The following LINC01488 variants were observed in gnomAD, a reference collection of about 807,000 sequenced individuals.
LINC01488 encodes long independently transcribed non-coding RNA 1488, also known as CCND1-upstream intergenic DNA repair 1.
At chr11:69,488,786 A>G (rs548083030) in intron 1 of LINC01488, among the ~76,000 whole-genome samples, 1 of 152,264 alleles carries the variant, frequency 6.6e-6, no homozygotes, top group South Asian at 2.1e-4. Context: ...GGCCCTGGGC[A>G]TGGGGAACCG....
chr11:69,482,866 T>C (rs1165445028), intron 1 of LINC01488, among the ~76,000 whole-genome samples: 4 of 152,172 alleles, frequency 2.6e-5, no homozygotes, highest in African/African-American at 9.7e-5. Flanking sequence ...CTCCTCACAT[T>C]TTCACAGGGT....
At chr11:69,484,708 C>T (rs1857086505) in intron 1 of LINC01488, among the ~76,000 whole-genome samples, 1 of 152,268 alleles carries the variant, frequency 6.6e-6, no homozygotes. Flanking sequence ...GCTGCTGAGC[C>T]CTGCTGTTGG....
intron 1 of LINC01488, among the ~76,000 whole-genome samples, chr11:69,482,508 G>GTGGATGGACGGATGGATGAA (rs1316942143): frequency 1.3e-5 from 2 of 151,770 alleles, no homozygotes; most frequent in Admixed American, 1.3e-4. Context: ...GAATGGATGA[G>GTGGATGGACGGATGGATGAA]TGGATGGACG....
At chr11:69,483,644 C>A (rs1011164009) in intron 1 of LINC01488, among the ~76,000 whole-genome samples, 1 of 152,190 alleles carries the variant, frequency 6.6e-6, no homozygotes, top group African/African-American at 2.4e-5. Context: ...GTCAGGCCCA[C>A]GTCCAGAGGG....
chr11:69,489,853 C>T (rs1431240114), intron 1 of LINC01488, among the ~76,000 whole-genome samples: 1 of 152,174 alleles, frequency 6.6e-6, no homozygotes, highest in Admixed American at 6.5e-5. Context: ...CCCTCTGTAG[C>T]CCCATCCCGA....
intron 1 of LINC01488, among the ~76,000 whole-genome samples, chr11:69,489,165 G>A (rs1277086467): frequency 6.6e-6 from 1 of 151,994 alleles, no homozygotes. Context: ...ACATGTCAGG[G>A]AGCAGTCCAG....
chr11:69,489,179 T>A (rs1303848526), intron 1 of LINC01488, among the ~76,000 whole-genome samples: 3 of 149,152 alleles, frequency 2.0e-5, no homozygotes, highest in African/African-American at 5.0e-5. Context: ...AGTCCAGGGG[T>A]CTCCCCACCG....
chr11:69,482,933 G>A (rs1434956700), intron 1 of LINC01488, among the ~76,000 whole-genome samples: 2 of 152,190 alleles, frequency 1.3e-5, no homozygotes, highest in African/African-American at 2.4e-5. Flanking sequence ...CATATTGAAT[G>A]AGGACCCACC....
intron 1 of LINC01488, among the ~76,000 whole-genome samples, chr11:69,485,028 C>A (rs577605763): frequency 1.3e-5 from 2 of 152,328 alleles, no homozygotes; most frequent in Admixed American, 1.3e-4. Flanking sequence ...CCCAACCCCC[C>A]GCCACCACCA....
intron 1 of LINC01488, chr11:69,490,359 G>A (rs1405334276): frequency 6.6e-6 from 1 of 152,320 alleles, no homozygotes; most frequent in Non-Finnish European, 1.5e-5. Flanking sequence ...CAAAGAACCT[G>A]AAAAGTCAAT....
At chr11:69,483,869 C>T (rs1227529217) in intron 1 of LINC01488, among the ~76,000 whole-genome samples, 1 of 152,316 alleles carries the variant, frequency 6.6e-6, no homozygotes, top group Non-Finnish European at 1.5e-5. Flanking sequence ...GAGGCGGGTG[C>T]CTCCCGGTGG....
intron 1 of LINC01488, among the ~76,000 whole-genome samples, chr11:69,483,106 A>C (rs1385772964): frequency 6.6e-6 from 1 of 152,196 alleles, no homozygotes; most frequent in Non-Finnish European, 1.5e-5. Context: ...AGGTCCGTGG[A>C]AGGAGAGAGT....
At chr11:69,489,629 C>T (rs1857185639) in intron 1 of LINC01488, among the ~76,000 whole-genome samples, 1 of 152,244 alleles carries the variant, frequency 6.6e-6, no homozygotes, top group Non-Finnish European at 1.5e-5. Flanking sequence ...TCCCATGCAC[C>T]GGTAGCGGGT....
intron 1 of LINC01488, among the ~76,000 whole-genome samples, chr11:69,485,011 T>G (rs537364038): frequency 9.2e-5 from 14 of 152,332 alleles, no homozygotes; most frequent in African/African-American, 3.4e-4. Flanking sequence ...CTAAAATCTC[T>G]GAACCACCCA....
chr11:69,486,607 G>A (rs1169007123), intron 1 of LINC01488, among the ~76,000 whole-genome samples: 1 of 152,226 alleles, frequency 6.6e-6, no homozygotes, highest in Non-Finnish European at 1.5e-5. Flanking sequence ...CTGTCCTGGG[G>A]GGTCTTCCTG....
intron 1 of LINC01488, among the ~76,000 whole-genome samples, chr11:69,484,547 A>C (rs527549450): frequency 6.6e-6 from 1 of 152,348 alleles, no homozygotes; most frequent in African/African-American, 2.4e-5. Flanking sequence ...TTCACAAAGG[A>C]CACCTCACAA....
intron 1 of LINC01488, among the ~76,000 whole-genome samples, chr11:69,481,978 G>C (rs1857052263): frequency 6.6e-6 from 1 of 152,004 alleles, no homozygotes; most frequent in Admixed American, 6.6e-5. Flanking sequence ...TGAATGGGTG[G>C]ATGGATGGAT....
chr11:69,492,263 T>A (rs941892921), exon 4 of LINC01488: 5 of 152,010 alleles, frequency 3.3e-5, no homozygotes, highest in Non-Finnish European at 7.4e-5. Flanking sequence ...TGAGTGGATG[T>A]GAAATGAGGG....
At chr11:69,482,656 TG>T in intron 1 of LINC01488, among the ~76,000 whole-genome samples, 1 of 152,270 alleles carries the variant, frequency 6.6e-6, no homozygotes, top group East Asian at 1.9e-4. Flanking sequence ...GATGGATGAA[TG>T]GATGGAAGAA....
Sources: allele counts gnomAD v4.1 joint callset (sites outside exome capture counted in the v4.1 genomes callset), GRCh38; gene constraint gnomAD v4.1.1; transcripts MANE v1.5; gene names NCBI Gene and HGNC (gene_info 2026-07-23, HGNC 2026-07-21).